The following NLRC5 variants were observed in gnomAD, a reference collection of about 807,000 sequenced individuals.
NLRC5 encodes NLR family CARD domain containing 5, also known as protein NLRC5.
In NLRC5, 114 loss-of-function variants were observed where a neutral mutation model predicts 206.9. That is an observed-to-expected ratio of 0.55 (90% CI 0.47 to 0.64). NLRC5 has a LOEUF of 0.64. NLRC5 is among the 30% of genes least tolerant of loss of function. The probability of loss-of-function intolerance (pLI) is 0.00; values close to 1 mark genes in which losing one functional copy is unlikely to be tolerated. For synonymous variants in NLRC5, 952 were observed against 962.8 expected, an observed-to-expected ratio of 0.99 and a Z score of 0.21; for missense variants, 2,008 against 2,305.5, an observed-to-expected ratio of 0.87 and a Z score of 2.64.
intron 1 of NLRC5, among the ~76,000 whole-genome samples, chr16:57,016,018 C>T (rs549335047): frequency 1.3e-5 from 2 of 151,398 alleles, no homozygotes; most frequent in Admixed American, 1.3e-4. Context: ...AGTTCAAGAC[C>T]AGCCTGGCCA....
intron 39 of NLRC5, among the ~76,000 whole-genome samples, chr16:57,074,952 T>C (rs1327309635): frequency 6.7e-6 from 1 of 149,234 alleles, no homozygotes; most frequent in Admixed American, 6.7e-5. Flanking sequence ...CCCTGGGCTC[T>C]TGTTAAAATG....
At chr16:57,073,018 T>G (rs1332958043) in intron 38 of NLRC5, among the ~76,000 whole-genome samples, 1 of 152,176 alleles carries the variant, frequency 6.6e-6, no homozygotes, top group Non-Finnish European at 1.5e-5. Context: ...CCACTGTCCA[T>G]GTACCTGCAT....
chr16:57,043,528 G>T lies in NLRC5; in HGVS notation c.3127G>T (p.Gly1043Cys), dbSNP rs777408629. Residue 1043 changes from glycine (G) to cysteine (C), a missense_variant, in exon 20 of 49, where the codon GGT (glycine) becomes TGT (cysteine). Gly to Cys is a radical substitution (Grantham distance 159). Coordinates refer to ENST00000688547, the MANE Select transcript of NLRC5 (RefSeq NM_001384950.1). Reference protein sequence around the residue: ...ALQSLNLSENGLSLDAVLGLV... With the variant: ...ALQSLNLSENCLSLDAVLGLV... ...TGTGATCTCCAGCCTCAGTGAGAAC[G>T]GTTTGTCCCTGGATGCCGTGTTGGG... 7 of 1,614,068 alleles carry T rather than the reference G, an allele frequency of 4.3e-6. No individual in the cohort carries two copies. Among genetic ancestry groups the T allele is most frequent in the South Asian group, 1.1e-5 (1 of 91,080 alleles).
intron 14 of NLRC5, among the ~76,000 whole-genome samples, chr16:57,036,566 G>T (rs914338199): frequency 7.2e-5 from 11 of 151,904 alleles, no homozygotes; most frequent in Non-Finnish European, 1.5e-4. Context: ...GTTCCTGTGG[G>T]GATACACTGT....
At chr16:57,035,424 G>T (rs76783508) in intron 13 of NLRC5, among the ~76,000 whole-genome samples, 3,302 of 152,100 alleles carry the variant, frequency 0.022, 126 homozygotes, top group African/African-American at 0.076. Context: ...ACTCCCAGGT[G>T]GTCCAGAACC....
In NLRC5 at chr16:57,025,652, C is replaced by G; in HGVS notation, c.709C>G (p.Leu237Val). 1 of 1,614,150 alleles carries G rather than the reference C, an allele frequency of 6.2e-7. No homozygotes were observed. The highest frequency in any genetic ancestry group is 8.5e-7 in the Non-Finnish European group (1 of 1,180,030). ...LGKAGMGKTT[L>V]AHRLCQKWAE... Reference sequence around the variant, plus strand: ...GAAGGCTGGCATGGGCAAGACCACGCTGGCCCACCGGCTCTGCCAGAAGTG... The same window carrying G: ...GAAGGCTGGCATGGGCAAGACCACGGTGGCCCACCGGCTCTGCCAGAAGTG... The change falls in exon 6 of 49, where the codon CTG becomes GTG. Residue 237 changes from leucine to valine, a missense_variant. Leu to Val is a conservative substitution (Grantham distance 32). Transcript: ENST00000688547.
At chr16:57,037,313 AT>A (rs2062714704) in intron 15 of NLRC5, 29 bp downstream of exon 15, 2 of 1,562,994 alleles carry the variant, frequency 1.3e-6, no homozygotes, top group Non-Finnish European at 1.7e-6. Context: ...CACGGTACCC[AT>A]CCCCCCCCCC....
chr16:57,039,762 C>T lies in NLRC5; in HGVS notation c.2802-19C>T. Reference sequence around the variant, plus strand: ...AGCCAATAACCTCTCGCTTCCTCACCCCTCTTTTGTCTTCACAGCCTGCAG... The same window carrying T: ...AGCCAATAACCTCTCGCTTCCTCACTCCTCTTTTGTCTTCACAGCCTGCAG... On this transcript the variant is annotated intron_variant, in intron 15 of 48. Transcript: ENST00000688547. 1 of 1,611,730 alleles carries T rather than the reference C, an allele frequency of 6.2e-7. No homozygotes were observed. The highest frequency in any genetic ancestry group is 2.2e-5 in the East Asian group (1 of 44,866).
chr16:57,060,723 G>A (rs1239602296), intron 30 of NLRC5, among the ~76,000 whole-genome samples: 2 of 151,926 alleles, frequency 1.3e-5, no homozygotes, highest in African/African-American at 4.8e-5. Flanking sequence ...CTCTGCCTCT[G>A]CTCACACCGC....
intron 40 of NLRC5, 41 bp from the exon 41 acceptor site, chr16:57,077,255 T>G (rs1253038953): frequency 1.3e-6 from 2 of 1,580,278 alleles, no homozygotes; most frequent in African/African-American, 1.3e-5. Context: ...GTGGACAAGA[T>G]GAGACGGCAG....
chr16:57,074,848 T>C (rs1406091525), intron 39 of NLRC5, among the ~76,000 whole-genome samples, 165 bp downstream of exon 39: 1 of 152,108 alleles, frequency 6.6e-6, no homozygotes, highest in Non-Finnish European at 1.5e-5. Context: ...TGCTCTTGCC[T>C]TCTAATGCCA....
chr16:57,033,650 A>T lies in NLRC5; in HGVS notation c.2524A>T (p.Ser842Cys), dbSNP rs780848096. The change falls in exon 12 of 49, where the codon AGC becomes TGC. Residue 842 changes from serine (S) to cysteine (C), a missense_variant. Ser to Cys is a moderately radical substitution (Grantham distance 112). Transcript: ENST00000688547. Reference sequence around the variant, plus strand: ...TGACGGCCAGAGGAAAGGGGCTCAGAGCAGAAGCTTGACGCTCAGGTACCT... The same window carrying T: ...TGACGGCCAGAGGAAAGGGGCTCAGTGCAGAAGCTTGACGCTCAGGTACCT... ...ESDGQRKGAQ[S>C]RSLTLRLQKC... is the part of the protein sequence containing the mutation. 1 of 1,614,058 alleles carries T rather than the reference A, an allele frequency of 6.2e-7. No homozygotes were observed. The highest frequency in any genetic ancestry group is 2.2e-5 in the East Asian group (1 of 44,880).
intron 18 of NLRC5, 63 bp from the exon 19 acceptor site, chr16:57,041,919 C>G (rs563908664): frequency 6.3e-6 from 7 of 1,115,784 alleles, no homozygotes; most frequent in Middle Eastern, 2.1e-4. Context: ...ATGCAGGGAC[C>G]ATGCTGCCAG....
At chr16:57,060,803 A>G (rs1299043299) in intron 30 of NLRC5, among the ~76,000 whole-genome samples, 1 of 152,172 alleles carries the variant, frequency 6.6e-6, no homozygotes, top group Non-Finnish European at 1.5e-5. Context: ...CACCCAGCTC[A>G]AACATCAGCC....
At chr16:57,007,180 C>T (rs1006178473) in intron 1 of NLRC5, among the ~76,000 whole-genome samples, 4 of 152,284 alleles carry the variant, frequency 2.6e-5, no homozygotes, top group South Asian at 2.1e-4. Flanking sequence ...AGACACAAGC[C>T]TGTCGTCAGT....
chr16:57,037,097 C>G, intron 14 of NLRC5, 98 bp from the exon 15 acceptor site: 1 of 997,174 alleles, frequency 1.0e-6, no homozygotes, highest in Non-Finnish European at 1.6e-6. Flanking sequence ...CCAGGAGTGA[C>G]AGCCAGCAAG....
At chr16:57,052,019 T>C (rs1336052659) in intron 24 of NLRC5, among the ~76,000 whole-genome samples, 1 of 152,044 alleles carries the variant, frequency 6.6e-6, no homozygotes, top group East Asian at 1.9e-4. Context: ...CCACGGAGGG[T>C]CACCCACTCG....
intron 47 of NLRC5, 105 bp from the exon 48 acceptor site, chr16:57,081,422 G>C: frequency 9.1e-7 from 1 of 1,102,990 alleles, no homozygotes; most frequent in Non-Finnish European, 1.4e-6. Context: ...TAGTGTGGGA[G>C]ACTGTGTCCC....
chr16:56,994,688 G>A (rs1288570446), intron 1 of NLRC5, among the ~76,000 whole-genome samples: 2 of 152,042 alleles, frequency 1.3e-5, no homozygotes, highest in Admixed American at 1.3e-4. Flanking sequence ...GGAACCATGG[G>A]CCATGGCATC....
Sources: gnomAD v4.1 joint callset for allele counts (sites outside exome capture counted in the v4.1 genomes callset) on GRCh38, gnomAD v4.1.1 for gene constraint, MANE v1.5 for transcripts, NCBI Gene and HGNC (gene_info 2026-07-23, HGNC 2026-07-21) for gene names.